Variants in DLG2 observed in about 807,000 individuals in gnomAD.
The protein encoded by DLG2 is disks large homolog 2.
In DLG2, 45 loss-of-function variants were observed where a neutral mutation model predicts 132.5. The observed-to-expected ratio is 0.34, with a 90% confidence interval of 0.27 to 0.44. The LOEUF (loss-of-function observed/expected upper bound fraction) is 0.44, where lower values mean the gene tolerates loss of function less well. DLG2 is among the 20% of genes least tolerant of loss of function. The probability of loss-of-function intolerance (pLI) is 1.00; values close to 1 mark genes in which losing one functional copy is unlikely to be tolerated. For missense variants in DLG2, 1,045 were observed against 1,196.9 expected (o/e 0.87, Z 1.87); for synonymous variants, 424 against 419.6 (o/e 1.01, Z -0.13).
At chr11:85,350,343 C>T (rs190905473) in intron 3 of DLG2, among the ~76,000 whole-genome samples, 31 of 152,068 alleles carry the variant, frequency 2.0e-4, no homozygotes, top group African/African-American at 7.2e-4. Context: ...AAAAATTTTC[C>T]CCCATTCTGT....
chr11:85,110,263 A>C (rs2072489706), intron 6 of DLG2, among the ~76,000 whole-genome samples: 1 of 152,026 alleles, frequency 6.6e-6, no homozygotes, highest in South Asian at 2.1e-4. Flanking sequence ...ATACGAAAAA[A>C]AAAATTAGCT....
intron 6 of DLG2, among the ~76,000 whole-genome samples, chr11:84,859,915 C>G (rs2083387476): frequency 6.6e-6 from 1 of 152,074 alleles, no homozygotes; most frequent in Admixed American, 6.6e-5. Flanking sequence ...TAAAAGTCAC[C>G]TCCTCTACGC....
chr11:85,477,189 T>G (rs1223823992), intron 3 of DLG2, among the ~76,000 whole-genome samples: 1 of 152,192 alleles, frequency 6.6e-6, no homozygotes, highest in African/African-American at 2.4e-5. Flanking sequence ...CATAATAAAA[T>G]GTTGAACATC....
chr11:83,724,733 G>A (rs1206716885), intron 18 of DLG2: 7 of 639,602 alleles, frequency 1.1e-5, no homozygotes, highest in Non-Finnish European at 1.7e-5. Context: ...AAACGGCAGG[G>A]AAAGGCTGTT....
At chr11:85,216,815 C>T (rs2082639128) in intron 4 of DLG2, among the ~76,000 whole-genome samples, 1 of 152,022 alleles carries the variant, frequency 6.6e-6, no homozygotes, top group Non-Finnish European at 1.5e-5. Flanking sequence ...TCTGCCTCAG[C>T]CTCCCGAATA....
chr11:83,890,391 TA>T (rs1273120653), intron 15 of DLG2, among the ~76,000 whole-genome samples: 1 of 152,178 alleles, frequency 6.6e-6, no homozygotes, highest in Non-Finnish European at 1.5e-5. Flanking sequence ...CCCATGCTCA[TA>T]ATGAACTCAG....
intron 6 of DLG2, among the ~76,000 whole-genome samples, chr11:84,952,592 T>TAAA (rs377700153): frequency 1.4e-5 from 2 of 141,700 alleles, no homozygotes; most frequent in Non-Finnish European, 3.1e-5. Context: ...AGTTTAATAT[T>TAAA]AAAAAAAAAA....
At chr11:85,183,967 T>C (rs1193012793) in intron 4 of DLG2, among the ~76,000 whole-genome samples, 1 of 151,994 alleles carries the variant, frequency 6.6e-6, no homozygotes, top group Admixed American at 6.6e-5. Flanking sequence ...AAAAAATCTA[T>C]AGGCTAATTA....
chr11:84,123,406 C>T (rs998356915), intron 9 of DLG2, among the ~76,000 whole-genome samples: 2 of 152,188 alleles, frequency 1.3e-5, no homozygotes, highest in African/African-American at 4.8e-5. Flanking sequence ...CTATGCTGTG[C>T]TTGGAGTCAT....
chr11:84,043,121 T>C (rs2154109436), intron 11 of DLG2, among the ~76,000 whole-genome samples: 1 of 151,716 alleles, frequency 6.6e-6, no homozygotes, highest in South Asian at 2.1e-4. Context: ...AATTTATTGC[T>C]TAAATTTATT....
intron 15 of DLG2, among the ~76,000 whole-genome samples, chr11:83,891,990 A>C (rs1292600924): frequency 6.6e-6 from 1 of 152,192 alleles, no homozygotes; most frequent in African/African-American, 2.4e-5. Context: ...AATTCCTTAC[A>C]GTGGTCACTG....
chr11:83,540,722 T>C (rs2096042123), intron 20 of DLG2, among the ~76,000 whole-genome samples: 2 of 152,352 alleles, frequency 1.3e-5, no homozygotes, highest in South Asian at 4.1e-4. Context: ...CCAGCTTCAC[T>C]GGGAATATTT....
chr11:84,893,264 C>T (rs1490612555), intron 6 of DLG2, among the ~76,000 whole-genome samples: 13 of 152,142 alleles, frequency 8.5e-5, no homozygotes, highest in Non-Finnish European at 4.4e-5. Flanking sequence ...ACCACCTCAT[C>T]AAGAGTTCGA....
chr11:85,441,329 C>T (rs1264105764), intron 3 of DLG2, among the ~76,000 whole-genome samples: 1 of 152,128 alleles, frequency 6.6e-6, no homozygotes, highest in African/African-American at 2.4e-5. Context: ...ATCATCCACA[C>T]TTTCAACCAG....
At chr11:85,489,133 A>G (rs1565572472) in intron 3 of DLG2, among the ~76,000 whole-genome samples, 1 of 152,210 alleles carries the variant, frequency 6.6e-6, no homozygotes, top group African/African-American at 2.4e-5. Flanking sequence ...AGATTGGAAA[A>G]ATGCATGAAA....
At chr11:84,631,290 T>C (rs1372324537) in intron 6 of DLG2, among the ~76,000 whole-genome samples, 1 of 152,012 alleles carries the variant, frequency 6.6e-6, no homozygotes, top group Non-Finnish European at 1.5e-5. Context: ...CATTAAGAAA[T>C]GTTTATCTAA....
chr11:83,988,468 G>A (rs1002651386), intron 11 of DLG2, among the ~76,000 whole-genome samples: 2 of 152,108 alleles, frequency 1.3e-5, no homozygotes, highest in African/African-American at 4.8e-5. Context: ...GTAGTTTGAT[G>A]GGAATAGCAT....
At chr11:83,607,841 T>C (rs1238443111) in intron 19 of DLG2, among the ~76,000 whole-genome samples, 5 of 152,236 alleles carry the variant, frequency 3.3e-5, no homozygotes, top group Non-Finnish European at 7.3e-5. Flanking sequence ...ATAAATATCA[T>C]GTTGAGCCAA....
chr11:85,211,133 T>C (rs1203819407), intron 4 of DLG2, among the ~76,000 whole-genome samples: 1 of 152,164 alleles, frequency 6.6e-6, no homozygotes, highest in Admixed American at 6.6e-5. Flanking sequence ...ATCTACAGCA[T>C]GTAGAATGAT....
Sources: gnomAD v4.1 joint callset for allele counts (sites outside exome capture counted in the v4.1 genomes callset) on GRCh38, gnomAD v4.1.1 for gene constraint, MANE v1.5 for transcripts, NCBI Gene and HGNC (gene_info 2026-07-23, HGNC 2026-07-21) for gene names.